PALM2AKAP2: variants seen among roughly 807,000 people sequenced by gnomAD.
PALM2AKAP2 encodes PALM2-AKAP2 fusion protein.
A neutral mutation model predicts 71.5 loss-of-function variants in PALM2AKAP2; 37 were observed. The observed-to-expected ratio is 0.52, with a 90% CI of 0.40 to 0.68. PALM2AKAP2 has a LOEUF of 0.68. Ranked by LOEUF, PALM2AKAP2 falls within the 30% of genes least tolerant of loss-of-function variation. The probability of loss-of-function intolerance (pLI) is 0.00; values close to 1 mark genes in which losing one functional copy is unlikely to be tolerated. For synonymous variants in PALM2AKAP2, 468 were observed against 478.8 expected (o/e 0.98, Z 0.29); for missense variants, 1,224 against 1,191.8 (o/e 1.03, Z -0.40).
chr9:109,931,919 G>A lies in PALM2AKAP2; in HGVS notation c.395-8G>A, dbSNP rs1314629755. The A allele has an allele frequency of 6.2e-7, 1 of 1,613,490 alleles. No homozygotes were observed. Among genetic ancestry groups the A allele is most frequent in the African/African-American group, 1.3e-5 (1 of 75,066 alleles). ...TGACTAATTGTATTCCCTGTTCTCT[G>A]CTACCAGATGCAGTAAATTACATTT... On this transcript the variant is annotated splice_polypyrimidine_tract_variant and splice_region_variant and intron_variant, in intron 5 of 9. Coordinates refer to the PALM2AKAP2 transcript ENST00000302798.
chr9:110,047,660 A>G (rs1833624968), upstream of PALM2AKAP2, among the ~76,000 whole-genome samples: 1 of 152,194 alleles, frequency 6.6e-6, no homozygotes, highest in Admixed American at 6.5e-5. Context: ...TGCCTAGGGC[A>G]AAGCTGAATT....
intron 6 of PALM2AKAP2, among the ~76,000 whole-genome samples, chr9:109,956,482 C>A (rs1221190866): frequency 1.3e-5 from 2 of 152,202 alleles, no homozygotes; most frequent in Admixed American, 6.5e-5. Context: ...ATTATTCAGA[C>A]TATCAGAATC....
chr9:109,851,231 G>A (rs79789956), intron 1 of PALM2AKAP2, among the ~76,000 whole-genome samples: 12,088 of 142,038 alleles, frequency 0.085, 643 homozygotes, highest in East Asian at 0.19. Context: ...AACACTACCT[G>A]GTAGTGTTTA....
At chr9:110,060,442 T>C (rs1006725810) in intron 1 of PALM2AKAP2, among the ~76,000 whole-genome samples, 1 of 152,114 alleles carries the variant, frequency 6.6e-6, no homozygotes, top group Non-Finnish European at 1.5e-5. Context: ...TTTAATTCCA[T>C]TTTGAAGATG....
At chr9:109,792,699 A>T (rs1827149791) in intron 1 of PALM2AKAP2, among the ~76,000 whole-genome samples, 1 of 152,090 alleles carries the variant, frequency 6.6e-6, no homozygotes, top group Non-Finnish European at 1.5e-5. Context: ...ACTGTTTCAT[A>T]ATGAGCACCC....
At chr9:109,833,802 G>T (rs985197998) in intron 1 of PALM2AKAP2, among the ~76,000 whole-genome samples, 2 of 152,174 alleles carry the variant, frequency 1.3e-5, no homozygotes, top group Admixed American at 6.5e-5. Flanking sequence ...TGACCTCTGG[G>T]GAATAATACT....
At chr9:110,040,195 G>C (rs951812879) in intron 7 of PALM2AKAP2, among the ~76,000 whole-genome samples, 1 of 152,098 alleles carries the variant, frequency 6.6e-6, no homozygotes, top group African/African-American at 2.4e-5. Context: ...ATTTTATGTT[G>C]GCCATGGTCC....
intron 1 of PALM2AKAP2, among the ~76,000 whole-genome samples, chr9:109,652,385 C>G (rs946103870): frequency 2.0e-5 from 3 of 152,114 alleles, no homozygotes; most frequent in Non-Finnish European, 4.4e-5. Flanking sequence ...ACCTCCTCCC[C>G]TCTCTCTTGC....
rs1491124233 is a variant in PALM2AKAP2 at position 109,998,781 on chromosome 9, AAG to A, written c.497-17172_497-17171del. ...CCCTGTCGCAAAAAAAAAAAAAAAA[AAG>A]GGGGGATAGTCCATTCTAGCTGCCC... On this transcript the variant is annotated intron_variant, in intron 6 of 9. Coordinates refer to the PALM2AKAP2 transcript ENST00000302798. Among the ~76,000 whole-genome samples, 66 of 148,360 alleles carry A rather than the reference AAG, an allele frequency of 4.4e-4. 1 individual carries two copies. Among genetic ancestry groups the A allele is most frequent in the Admixed American group, 5.3e-4 (8 of 14,958 alleles).
chr9:110,061,903 C>T (rs572477225), intron 1 of PALM2AKAP2, among the ~76,000 whole-genome samples: 108 of 149,578 alleles, frequency 7.2e-4, no homozygotes, highest in Non-Finnish European at 1.3e-3. Flanking sequence ...CAAGGGTACA[C>T]AGCTAGTGGC....
chr9:109,951,261 C>A (rs1161707518), intron 6 of PALM2AKAP2, among the ~76,000 whole-genome samples: 1 of 151,972 alleles, frequency 6.6e-6, no homozygotes, highest in Non-Finnish European at 1.5e-5. Flanking sequence ...GGGGTGGGAG[C>A]CTGTCGTGCT....
At chr9:110,138,292 G>A (rs139897209) in exon 2 of PALM2AKAP2, 79 of 1,614,172 alleles carry the variant, frequency 4.9e-5, no homozygotes, top group Non-Finnish European at 6.1e-5. Context: ...GCAAGTACTC[G>A]GAGGCAGCTG....
chr9:109,672,843 G>A (rs192138273), intron 1 of PALM2AKAP2, among the ~76,000 whole-genome samples: 6 of 151,934 alleles, frequency 3.9e-5, no homozygotes, highest in African/African-American at 1.2e-4. Flanking sequence ...GAGGGTATAT[G>A]TGTCCAGGAA....
intron 6 of PALM2AKAP2, among the ~76,000 whole-genome samples, chr9:109,981,899 A>G (rs534056819): frequency 6.9e-4 from 105 of 152,344 alleles, no homozygotes; most frequent in Non-Finnish European, 1.3e-3. Flanking sequence ...AAGTTTCTCA[A>G]AAAACTAAAA....
intron 6 of PALM2AKAP2, among the ~76,000 whole-genome samples, chr9:109,981,440 G>C (rs1588043218): frequency 6.6e-6 from 1 of 152,180 alleles, no homozygotes; most frequent in South Asian, 2.1e-4. Context: ...AATGGCAGGA[G>C]CTTGTCTAGG....
chr9:109,893,130 G>C (rs1346990254), intron 3 of PALM2AKAP2, among the ~76,000 whole-genome samples: 4 of 152,104 alleles, frequency 2.6e-5, no homozygotes, highest in Non-Finnish European at 4.4e-5. Flanking sequence ...AGGGAGGCTA[G>C]GAGTGCAGCA....
intron 1 of PALM2AKAP2, among the ~76,000 whole-genome samples, chr9:110,078,271 A>AT (rs904069579): frequency 3.4e-4 from 51 of 152,182 alleles, no homozygotes; most frequent in African/African-American, 1.2e-3. Context: ...ATTTCATTAT[A>AT]TTAGTTACAT....
chr9:109,786,300 C>T (rs1826966377), intron 1 of PALM2AKAP2, among the ~76,000 whole-genome samples: 1 of 152,218 alleles, frequency 6.6e-6, no homozygotes, highest in Non-Finnish European at 1.5e-5. Context: ...AGTCCAGCTT[C>T]CCAAGGATCC....
At chr9:109,795,311 C>A (rs1197350323) in intron 1 of PALM2AKAP2, among the ~76,000 whole-genome samples, 1 of 152,156 alleles carries the variant, frequency 6.6e-6, no homozygotes, top group Non-Finnish European at 1.5e-5. Flanking sequence ...ATGTACTTCC[C>A]ATTCTTTTAC....
Sources: allele counts gnomAD v4.1 joint callset (sites outside exome capture counted in the v4.1 genomes callset), GRCh38; gene constraint gnomAD v4.1.1; transcripts MANE v1.5; gene names NCBI Gene and HGNC (gene_info 2026-07-23, HGNC 2026-07-21).